The following CSMD1 variants were observed in gnomAD, a reference collection of about 807,000 sequenced individuals.
CSMD1 encodes the protein CUB and sushi domain-containing protein 1.
In CSMD1, 213 loss-of-function variants were observed where a neutral mutation model predicts 417.5. The observed-to-expected ratio is 0.51, with a 90% CI of 0.46 to 0.57. The LOEUF (loss-of-function observed/expected upper bound fraction) is 0.57, where lower values mean the gene tolerates loss of function less well. Among genes scored for constraint, CSMD1 ranks in the 20% least tolerant of loss-of-function variants. CSMD1 has a pLI of 0.00. For missense variants in CSMD1, 6,923 were observed against 4,529.7 expected, an observed-to-expected ratio of 1.53 and a Z score of -15.17; for synonymous variants, 2,862 against 1,736.8, an observed-to-expected ratio of 1.65 and a Z score of -16.11.
At chr8:4,776,031 T>C (rs1050493189) in intron 1 of CSMD1, among the ~76,000 whole-genome samples, 3 of 152,036 alleles carry the variant, frequency 2.0e-5, no homozygotes, top group Admixed American at 6.5e-5. Context: ...TGAGGGCAGT[T>C]TGACAAATTA....
intron 45 of CSMD1, 167 bp from the exon 46 acceptor site, chr8:3,106,808 T>C: frequency 2.1e-6 from 1 of 483,998 alleles, no homozygotes. Context: ...CGTTTTAAGT[T>C]CTTAATTTAT....
intron 7 of CSMD1, among the ~76,000 whole-genome samples, chr8:3,675,310 C>G (rs1352479654): frequency 6.6e-6 from 1 of 152,216 alleles, no homozygotes; most frequent in Admixed American, 6.5e-5. Flanking sequence ...TATGCACATC[C>G]TCACGTCTCC....
At chr8:3,913,020 A>AT (rs1269989231) in intron 5 of CSMD1, among the ~76,000 whole-genome samples, 1 of 152,166 alleles carries the variant, frequency 6.6e-6, no homozygotes, top group Non-Finnish European at 1.5e-5. Flanking sequence ...ATAATGAGCT[A>AT]AGGCGTGGAG....
chr8:4,815,147 G>C (rs770749722), intron 1 of CSMD1, among the ~76,000 whole-genome samples: 16 of 152,158 alleles, frequency 1.1e-4, no homozygotes, highest in Non-Finnish European at 1.9e-4. Flanking sequence ...ATCAGGAAGA[G>C]TTGGAACGTG....
chr8:3,354,840 T>C (rs1242211996), intron 21 of CSMD1, among the ~76,000 whole-genome samples: 1 of 150,082 alleles, frequency 6.7e-6, no homozygotes, highest in Non-Finnish European at 1.5e-5. Flanking sequence ...CATATATAGA[T>C]ACACTAAACC....
chr8:3,831,932 T>C (rs2129088107), intron 5 of CSMD1, among the ~76,000 whole-genome samples: 2 of 152,248 alleles, frequency 1.3e-5, no homozygotes, highest in Middle Eastern at 6.8e-3. Context: ...CCCCCAGAGA[T>C]TAGTCCTGGA....
intron 3 of CSMD1, among the ~76,000 whole-genome samples, chr8:4,272,345 A>T (rs1259016866): frequency 6.6e-6 from 1 of 152,210 alleles, no homozygotes; most frequent in African/African-American, 2.4e-5. Flanking sequence ...AAAGCATGTT[A>T]TTCCACTAAT....
intron 1 of CSMD1, among the ~76,000 whole-genome samples, chr8:4,673,402 G>A (rs1805472173): frequency 6.6e-6 from 1 of 152,082 alleles, no homozygotes; most frequent in South Asian, 2.1e-4. Context: ...CCATCTGTAA[G>A]GATTATCCTC....
chr8:3,723,059 T>G (rs991176777), intron 6 of CSMD1, among the ~76,000 whole-genome samples: 9 of 152,322 alleles, frequency 5.9e-5, no homozygotes, highest in Non-Finnish European at 1.2e-4. Flanking sequence ...GCGCAGCTGC[T>G]TTCTTCTCTT....
intron 1 of CSMD1, among the ~76,000 whole-genome samples, chr8:4,769,671 C>T (rs541601731): frequency 3.9e-5 from 6 of 152,250 alleles, no homozygotes; most frequent in African/African-American, 4.8e-5. Flanking sequence ...GAAAGGCTGA[C>T]GGATTTGTGG....
intron 40 of CSMD1, among the ~76,000 whole-genome samples, chr8:3,144,728 T>A (rs1818730627): frequency 6.6e-6 from 1 of 150,788 alleles, no homozygotes; most frequent in African/African-American, 2.4e-5. Flanking sequence ...CAGAAAATAT[T>A]TTTGTTTAAA....
intron 10 of CSMD1, among the ~76,000 whole-genome samples, chr8:3,539,154 A>C (rs1333831223): frequency 6.6e-6 from 1 of 151,962 alleles, no homozygotes; most frequent in East Asian, 1.9e-4. Flanking sequence ...CCACATACCA[A>C]GATGTTCTGG....
chr8:4,292,610 T>C (rs1797436031), intron 3 of CSMD1, among the ~76,000 whole-genome samples: 1 of 152,182 alleles, frequency 6.6e-6, no homozygotes, highest in Non-Finnish European at 1.5e-5. Flanking sequence ...TTAATACATG[T>C]AAACATGTTG....
At chr8:4,961,490 T>C (rs996849955) in intron 1 of CSMD1, among the ~76,000 whole-genome samples, 2 of 152,192 alleles carry the variant, frequency 1.3e-5, no homozygotes, top group African/African-American at 2.4e-5. Flanking sequence ...AATGACATTT[T>C]ATTCAGCACC....
chr8:3,685,651 T>A (rs1024452546), intron 7 of CSMD1, among the ~76,000 whole-genome samples: 1 of 152,168 alleles, frequency 6.6e-6, no homozygotes, highest in Admixed American at 6.5e-5. Flanking sequence ...TTTAGAGGCC[T>A]GGGGGTGCTT....
intron 21 of CSMD1, among the ~76,000 whole-genome samples, chr8:3,351,696 G>C (rs76024096): frequency 0.018 from 2,727 of 147,894 alleles, 90 homozygotes; most frequent in African/African-American, 0.064. Flanking sequence ...AATGATATAC[G>C]AATAATTGTA....
At chr8:3,755,438 A>G (rs549355186) in intron 5 of CSMD1, among the ~76,000 whole-genome samples, 225 of 152,272 alleles carry the variant, frequency 1.5e-3, no homozygotes, top group African/African-American at 5.2e-3. Flanking sequence ...AACAAAATCT[A>G]TTTTCAAAAT....
chr8:3,800,929 A>T (rs1585019501), intron 5 of CSMD1, among the ~76,000 whole-genome samples: 1 of 152,254 alleles, frequency 6.6e-6, no homozygotes, highest in South Asian at 2.1e-4. Flanking sequence ...TTTCTTTATA[A>T]TTTATCCAGC....
At chr8:4,595,982 G>T (rs1057436309) in intron 2 of CSMD1, among the ~76,000 whole-genome samples, 2 of 151,962 alleles carry the variant, frequency 1.3e-5, no homozygotes, top group Admixed American at 6.6e-5. Flanking sequence ...CAAATCCAGA[G>T]ATCCCACATC....
Sources: gnomAD v4.1 joint callset for allele counts (sites outside exome capture counted in the v4.1 genomes callset) on GRCh38, gnomAD v4.1.1 for gene constraint, MANE v1.5 for transcripts, NCBI Gene and HGNC (gene_info 2026-07-23, HGNC 2026-07-21) for gene names.